SLC27A6: variants seen among roughly 807,000 people sequenced by gnomAD.
The protein encoded by SLC27A6 is long-chain fatty acid transport protein 6.
SLC27A6 carries 74 observed loss-of-function variants against 63.9 expected under a neutral mutation model. The ratio of observed to expected loss-of-function variants is 1.16; its 90% CI spans 0.96 to 1.40. The LOEUF is 1.40. Ranked by LOEUF, SLC27A6 falls within the 40% of genes most tolerant of loss-of-function variation. The pLI, the probability that SLC27A6 is intolerant of heterozygous loss-of-function variation, is 0.00. For missense variants in SLC27A6, 794 were observed against 732.9 expected (o/e 1.08, Z -0.96); for synonymous variants, 287 against 260.8 (o/e 1.10, Z -0.97).
chr5:128,976,066 A>G (rs1219250496), intron 1 of SLC27A6, among the ~76,000 whole-genome samples: 1 of 152,184 alleles, frequency 6.6e-6, no homozygotes, highest in Non-Finnish European at 1.5e-5. Flanking sequence ...AAAGCCAAAC[A>G]GTCTATTCTA....
At chr5:128,996,661 G>T (rs1036561012) in intron 4 of SLC27A6, among the ~76,000 whole-genome samples, 1 of 152,050 alleles carries the variant, frequency 6.6e-6, no homozygotes, top group Non-Finnish European at 1.5e-5. Flanking sequence ...ATTTATGGCA[G>T]TGTGAGAGTG....
chr5:129,016,253 G>T lies in SLC27A6; in HGVS notation c.1164+174G>T, dbSNP rs1039596315. On this transcript the variant is annotated intron_variant, in intron 5 of 9. Coordinates refer to ENST00000262462, the MANE Select transcript of SLC27A6 (RefSeq NM_001017372.3). ...TAAAAATACAAAAACAAAATTAGACGGGTGTAGTGGCGGACACCTGTAGTC... is the reference window on the plus strand; with the variant it reads ...TAAAAATACAAAAACAAAATTAGACTGGTGTAGTGGCGGACACCTGTAGTC... Among the ~76,000 whole-genome samples the T allele has an allele frequency of 1.1e-4, 17 of 151,734 alleles. 1 individual carries two copies. Among genetic ancestry groups the T allele is most frequent in the Non-Finnish European group, 2.5e-4 (17 of 67,918 alleles).
intron 4 of SLC27A6, among the ~76,000 whole-genome samples, chr5:128,991,370 T>G (rs1750976663): frequency 6.6e-6 from 1 of 152,156 alleles, no homozygotes; most frequent in Non-Finnish European, 1.5e-5. Flanking sequence ...TTTAGCTGAC[T>G]TACAAAGATG....
chr5:128,989,634 T>A (rs1750906732), intron 3 of SLC27A6, among the ~76,000 whole-genome samples: 1 of 152,210 alleles, frequency 6.6e-6, no homozygotes, highest in Middle Eastern at 3.4e-3. Context: ...CCTCAAGATA[T>A]GTTGAGGTGG....
intron 8 of SLC27A6, among the ~76,000 whole-genome samples, chr5:129,028,663 T>G (rs1336894157): frequency 6.6e-6 from 1 of 151,774 alleles, no homozygotes; most frequent in African/African-American, 2.4e-5. Context: ...CGTGTATTTT[T>G]TTTTTTTTTT....
chr5:129,026,542 TA>T (rs1184020139), intron 6 of SLC27A6, among the ~76,000 whole-genome samples: 1 of 152,136 alleles, frequency 6.6e-6, no homozygotes, highest in Non-Finnish European at 1.5e-5. Flanking sequence ...GAGATAGTAT[TA>T]TACAGAAACC....
intron 4 of SLC27A6, among the ~76,000 whole-genome samples, chr5:128,996,078 T>G (rs1018955596): frequency 1.3e-5 from 2 of 152,198 alleles, no homozygotes; most frequent in African/African-American, 4.8e-5. Flanking sequence ...ATGAATAAGC[T>G]AAATAGGCAA....
intron 4 of SLC27A6, among the ~76,000 whole-genome samples, chr5:129,014,591 G>A (rs1022859045): frequency 2.0e-5 from 3 of 152,178 alleles, no homozygotes; most frequent in Admixed American, 6.5e-5. Flanking sequence ...AATTTTCACA[G>A]TAAGTTCCTC....
intron 1 of SLC27A6, among the ~76,000 whole-genome samples, chr5:128,981,032 G>A (rs1168981634): frequency 6.6e-6 from 1 of 152,138 alleles, no homozygotes; most frequent in Non-Finnish European, 1.5e-5. Context: ...AGGATTTTAG[G>A]CAGGGATTAT....
chr5:128,966,485 G>C lies in SLC27A6; in HGVS notation c.348G>C (p.Pro116=). ...DTVALLMSNE[P]DFVHVWFGLA... is the part of the protein sequence containing the mutation. ...TGGCTCTGCTGATGAGCAATGAGCCGGACTTCGTTCACGTGTGGTTCGGCC... is the reference window on the plus strand; with the variant it reads ...TGGCTCTGCTGATGAGCAATGAGCCCGACTTCGTTCACGTGTGGTTCGGCC... The change falls in exon 1 of 10, where the codon CCG becomes CCC. Residue 116 remains proline, a synonymous_variant. Transcript: ENST00000262462. 1.2e-6 allele frequency: 2 copies of C among 1,608,906 alleles called. No individual in the cohort carries two copies. Among genetic ancestry groups the C allele is most frequent in the Non-Finnish European group, 1.7e-6 (2 of 1,177,804 alleles).
At chr5:128,975,226 T>C (rs1750336098) in intron 1 of SLC27A6, among the ~76,000 whole-genome samples, 1 of 152,058 alleles carries the variant, frequency 6.6e-6, no homozygotes, top group South Asian at 2.1e-4. Context: ...TGGCAGACAC[T>C]GGTAATCCCA....
At chr5:129,030,925 C>T (rs1752398226) in intron 9 of SLC27A6, among the ~76,000 whole-genome samples, 1 of 151,980 alleles carries the variant, frequency 6.6e-6, no homozygotes, top group Non-Finnish European at 1.5e-5. Context: ...AATCTTTCCC[C>T]CATGTTGTCC....
chr5:129,002,436 C>G (rs1751369272), intron 4 of SLC27A6, among the ~76,000 whole-genome samples: 1 of 152,012 alleles, frequency 6.6e-6, no homozygotes. Context: ...CCTCCCCACT[C>G]CCTCCATTGT....
chr5:128,988,579 T>A (rs1750869126), intron 2 of SLC27A6, 21 bp from the exon 3 acceptor site: 1 of 1,607,962 alleles, frequency 6.2e-7, no homozygotes, highest in Non-Finnish European at 8.5e-7. Context: ...ATATATTTCC[T>A]GTTCTTTTCT....
chr5:129,033,122 C>A lies in SLC27A6; in HGVS notation c.1700C>A (p.Thr567Lys), dbSNP rs1454699084. 1.0e-5 allele frequency: 16 copies of A among 1,606,124 alleles called. No individual in the cohort carries two copies. Among genetic ancestry groups the A allele is most frequent in the African/African-American group, 2.7e-5 (2 of 74,580 alleles). ...FLRIQEKMEATGTFKLLKHQL... is the reference protein window; with the variant it reads ...FLRIQEKMEAKGTFKLLKHQL... ...GCTTTACAGGAAAAAATGGAAGCAACAGGAACATTCAAACTATTGAAGCAT... is the reference window on the plus strand; with the variant it reads ...GCTTTACAGGAAAAAATGGAAGCAAAAGGAACATTCAAACTATTGAAGCAT... Residue 567 changes from threonine (T) to lysine (K), a missense_variant, in exon 10 of 10, where the codon ACA becomes AAA. Physicochemically the swap from Thr to Lys is moderately conservative, Grantham distance 78. Transcript: ENST00000262462.
intron 1 of SLC27A6, among the ~76,000 whole-genome samples, chr5:128,984,518 C>T (rs1277218230): frequency 6.6e-6 from 1 of 152,160 alleles, no homozygotes. Context: ...CTTTTTCTTT[C>T]TGAACCTTAA....
intron 1 of SLC27A6, among the ~76,000 whole-genome samples, chr5:128,973,723 T>C (rs2577437): frequency 0.24 from 36,714 of 152,222 alleles, 4,980 homozygotes; most frequent in Middle Eastern, 0.33. Flanking sequence ...ACCCCTTGTG[T>C]TTCCCAGGTG....
intron 4 of SLC27A6, among the ~76,000 whole-genome samples, chr5:128,994,172 A>T (rs1232021804): frequency 6.6e-6 from 1 of 152,078 alleles, no homozygotes; most frequent in African/African-American, 2.4e-5. Flanking sequence ...GTCTCAAAAA[A>T]AAAATTAATT....
At chr5:128,991,329 G>C (rs1750975348) in intron 4 of SLC27A6, among the ~76,000 whole-genome samples, 1 of 152,142 alleles carries the variant, frequency 6.6e-6, no homozygotes. Flanking sequence ...AATCCAGCTA[G>C]TCCTGTCTCT....
Sources: gnomAD v4.1 joint callset for allele counts (sites outside exome capture counted in the v4.1 genomes callset) on GRCh38, gnomAD v4.1.1 for gene constraint, MANE v1.5 for transcripts, NCBI Gene and HGNC (gene_info 2026-07-23, HGNC 2026-07-21) for gene names.